The following SRPK2 variants were observed in gnomAD, a reference collection of about 807,000 sequenced individuals.
SRPK2 encodes SRSF protein kinase 2, also known as SFRS protein kinase 2.
In SRPK2, 21 loss-of-function variants were observed where a neutral mutation model predicts 90.8. That is an observed-to-expected ratio of 0.23 (90% CI 0.16 to 0.33). The LOEUF (loss-of-function observed/expected upper bound fraction) is 0.33, where lower values mean the gene tolerates loss of function less well. Among genes scored for constraint, SRPK2 ranks in the 10% least tolerant of loss-of-function variants. The pLI, the probability that SRPK2 is intolerant of heterozygous loss-of-function variation, is 1.00. For synonymous variants in SRPK2, 288 were observed against 311.1 expected, an observed-to-expected ratio of 0.93 and a Z score of 0.78; for missense variants, 620 against 869.0, an observed-to-expected ratio of 0.71 and a Z score of 3.60.
chr7:105,227,385 T>A (rs1798841063), intron 2 of SRPK2, among the ~76,000 whole-genome samples: 1 of 152,154 alleles, frequency 6.6e-6, no homozygotes. Context: ...CATTCTTATG[T>A]CTTTGTGAAA....
At position 105,170,989 on chromosome 7, in the gene SRPK2, A is replaced by AAG. The variant is rs1173755017; in HGVS notation, c.230-1726_230-1725dup. ...AAAGAGAAAGAAAGAGAAAGAAAGA[A>AAG]AGAAAGAGAAAGAAAGAAAGAAAGA... is the stretch of plus-strand genomic sequence containing the variant. On this transcript the variant is annotated intron_variant, in intron 3 of 15. Coordinates refer to ENST00000393651, the MANE Select transcript of SRPK2 (RefSeq NM_182692.3). 7.3e-4 allele frequency among the ~76,000 whole-genome samples: 100 copies of AAG among 137,374 alleles called. 8 individuals are homozygous for AAG. Among genetic ancestry groups the AAG allele is most frequent in the African/African-American group, 2.7e-3 (95 of 35,432 alleles). The allele number at this position is 137,374 out of a possible 152,430, so 90.1% of individuals were successfully genotyped here. A position where few individuals can be genotyped will look rare whatever the true frequency, so the allele number is the denominator to read the frequency against.
intron 14 of SRPK2, among the ~76,000 whole-genome samples, chr7:105,126,661 G>GGCA (rs1801260096): frequency 6.6e-6 from 1 of 152,144 alleles, no homozygotes; most frequent in South Asian, 2.1e-4. Flanking sequence ...CAGAGAAATG[G>GGCA]GCAGCACATC....
chr7:105,245,861 G>T (rs139369514), intron 2 of SRPK2, among the ~76,000 whole-genome samples: 215 of 152,234 alleles, frequency 1.4e-3, no homozygotes, highest in South Asian at 6.6e-3. Context: ...CACAACTACA[G>T]GCACACATCA....
intron 2 of SRPK2, among the ~76,000 whole-genome samples, chr7:105,279,954 T>C (rs1236255125): frequency 1.3e-5 from 2 of 152,232 alleles, no homozygotes; most frequent in Admixed American, 1.3e-4. Context: ...ATTCTTAATA[T>C]ATGAATATCA....
Position 105,117,687 on chromosome 7 carries a change from C to G in SRPK2, c.*151G>C. 1 of 826,990 alleles carries G rather than the reference C, an allele frequency of 1.2e-6. No homozygotes were observed. The allele number at this position is 826,990 out of a possible 1,614,324, so 51.2% of individuals were successfully genotyped here. A position where few individuals can be genotyped will look rare whatever the true frequency, so the allele number is the denominator to read the frequency against. On this transcript the variant is annotated 3_prime_UTR_variant, in exon 16 of 16. Transcript: ENST00000393651. ...CCCCAGGATCACAGTGCACAAAAAG[C>G]AAAATGTCAAACAACAGTACCTCAA...
intron 3 of SRPK2, among the ~76,000 whole-genome samples, chr7:105,182,905 A>G (rs1468294405): frequency 6.6e-6 from 1 of 152,224 alleles, no homozygotes; most frequent in Admixed American, 6.5e-5. Context: ...ATAAAACACT[A>G]CGAAGACAAC....
intron 2 of SRPK2, among the ~76,000 whole-genome samples, chr7:105,326,309 T>C (rs1346085147): frequency 6.6e-6 from 1 of 152,184 alleles, no homozygotes; most frequent in East Asian, 1.9e-4. Context: ...CCCCATATGG[T>C]GGCCAGAGTG....
chr7:105,392,601 C>T (rs566944727), upstream of SRPK2, among the ~76,000 whole-genome samples: 5 of 152,084 alleles, frequency 3.3e-5, no homozygotes, highest in Non-Finnish European at 7.3e-5. Flanking sequence ...GTAACCTCCA[C>T]TTCCCAGGTT....
intron 2 of SRPK2, among the ~76,000 whole-genome samples, chr7:105,313,734 G>A (rs1386170226): frequency 3.3e-5 from 5 of 152,092 alleles, no homozygotes; most frequent in Admixed American, 1.3e-4. Context: ...CTGGACAACA[G>A]AGCGAGACTC....
chr7:105,170,843 GAAA>G (rs1790801184), intron 3 of SRPK2, among the ~76,000 whole-genome samples: 13 of 10,016 alleles, frequency 1.3e-3, no homozygotes, highest in Middle Eastern at 0.042. Flanking sequence ...AAGGAAGAAA[GAAA>G]GAAAGAAAGA....
At chr7:105,211,094 CTG>C (rs2129612474) in intron 2 of SRPK2, among the ~76,000 whole-genome samples, 1 of 152,306 alleles carries the variant, frequency 6.6e-6, no homozygotes, top group Admixed American at 6.5e-5. Context: ...TCCTACAAAA[CTG>C]TGAGTTAATA....
intron 2 of SRPK2, among the ~76,000 whole-genome samples, chr7:105,291,000 T>C (rs1312805512): frequency 7.5e-6 from 1 of 133,584 alleles, no homozygotes; most frequent in Admixed American, 8.8e-5. Flanking sequence ...ATTGCGCCAC[T>C]GCAGTCCGCA....
At chr7:105,393,285 C>G (rs954044600), upstream of SRPK2, among the ~76,000 whole-genome samples, 1 of 149,030 alleles carries the variant, frequency 6.7e-6, no homozygotes, top group Non-Finnish European at 1.5e-5. Context: ...CTTGAGCCAC[C>G]GCGTCCAGCC....
chr7:105,245,068 CA>C, intron 2 of SRPK2: 2 of 632,524 alleles, frequency 3.2e-6, no homozygotes, highest in East Asian at 5.9e-5. Flanking sequence ...CACACACACA[CA>C]CACACCTCTT....
chr7:105,291,608 T>C (rs1171012621), intron 2 of SRPK2, among the ~76,000 whole-genome samples: 2 of 152,192 alleles, frequency 1.3e-5, no homozygotes, highest in African/African-American at 2.4e-5. Context: ...CGCACGCCTA[T>C]AGTCCCAGCT....
intron 1 of SRPK2, among the ~76,000 whole-genome samples, chr7:105,396,170 C>T (rs937867534): frequency 1.3e-5 from 2 of 151,656 alleles, no homozygotes; most frequent in Admixed American, 1.3e-4. Context: ...CTGCCTCGAC[C>T]TCTCAAAGTG....
chr7:105,382,552 CAAAAAAAAAAAAAA>C (rs71152969), intron 2 of SRPK2, among the ~76,000 whole-genome samples: 6 of 75,908 alleles, frequency 7.9e-5, no homozygotes, highest in South Asian at 5.4e-4. Context: ...AACTCCATCT[CAAAAAAAAAAAAAA>C]AAAAAAAAAA....
chr7:105,195,363 TG>T (rs1446683895), intron 3 of SRPK2, among the ~76,000 whole-genome samples: 20 of 152,354 alleles, frequency 1.3e-4, no homozygotes, highest in Middle Eastern at 3.4e-3. Context: ...AAATATGTTT[TG>T]TAAAAAGAGG....
chr7:105,311,340 C>T (rs1473777318), intron 2 of SRPK2, among the ~76,000 whole-genome samples: 1 of 152,104 alleles, frequency 6.6e-6, no homozygotes, highest in East Asian at 1.9e-4. Flanking sequence ...TTAAGCAATT[C>T]TCCTGCCTCA....
Sources: allele counts gnomAD v4.1 joint callset (sites outside exome capture counted in the v4.1 genomes callset), GRCh38; gene constraint gnomAD v4.1.1; transcripts MANE v1.5; gene names NCBI Gene and HGNC (gene_info 2026-07-23, HGNC 2026-07-21).